MLPH: variants seen among roughly 807,000 people sequenced by gnomAD.
MLPH encodes exophilin-3.
Under a neutral mutation model 72.1 loss-of-function variants are expected in MLPH, and 51 were observed. That is an observed-to-expected ratio of 0.71 (90% confidence interval 0.56 to 0.89). The LOEUF (loss-of-function observed/expected upper bound fraction) is 0.89. MLPH is among the 40% of genes least tolerant of loss of function. MLPH has a pLI of 0.00. For synonymous variants in MLPH, 301 were observed against 310.1 expected, an observed-to-expected ratio of 0.97 and a Z score of 0.31; for missense variants, 743 against 759.9, an observed-to-expected ratio of 0.98 and a Z score of 0.26.
intron 6 of MLPH, 30 bp downstream of exon 6, chr2:237,520,059 C>T (rs1304458383): frequency 6.2e-7 from 1 of 1,613,536 alleles, no homozygotes; most frequent in Non-Finnish European, 8.5e-7. Flanking sequence ...TTTCCCCTGC[C>T]CCTCCCAGGA....
intron 13 of MLPH, among the ~76,000 whole-genome samples, chr2:237,548,834 G>A (rs746192516): frequency 4.6e-5 from 7 of 152,190 alleles, no homozygotes; most frequent in East Asian, 1.9e-4. Flanking sequence ...AGCCGCGATC[G>A]CACCACTGCA....
At chr2:237,544,417 C>CAGTGGTGAATGGGCACGGTAGTGAGTG (rs2080833807) in intron 12 of MLPH, among the ~76,000 whole-genome samples, 1 of 21,022 alleles carries the variant, frequency 4.8e-5, no homozygotes, top group Non-Finnish European at 7.2e-5. Context: ...AGTGGTGAGT[C>CAGTGGTGAATGGGCACGGTAGTGAGTG]GGGGGACAGT....
At chr2:237,509,722 G>A (rs1559343744) in intron 2 of MLPH, among the ~76,000 whole-genome samples, 2 of 152,194 alleles carry the variant, frequency 1.3e-5, no homozygotes, top group East Asian at 1.9e-4. Flanking sequence ...GGAAAATCGT[G>A]AAGTTCAGCC....
At chr2:237,507,293 C>G (rs2079798972) in intron 2 of MLPH, 1 of 152,154 alleles carries the variant, frequency 6.6e-6, no homozygotes, top group Non-Finnish European at 1.5e-5. Flanking sequence ...TCTCAAACTC[C>G]TGACCTCAAG....
At chr2:237,494,597 G>C (rs896574648) in intron 2 of MLPH, among the ~76,000 whole-genome samples, 4 of 152,124 alleles carry the variant, frequency 2.6e-5, no homozygotes, top group Admixed American at 2.6e-4. Flanking sequence ...GAGATCAGAT[G>C]GGGGGTCTCC....
rs557950483 is a variant in MLPH at position 237,541,692 on chromosome 2, A to G, written c.1446+735A>G. 6.6e-6 allele frequency among the ~76,000 whole-genome samples: 1 copy of G among 152,218 alleles called. No homozygotes were observed. On this transcript the variant is annotated intron_variant, in intron 11 of 15. Transcript: ENST00000264605. This position sits in a 1 kb window ranked among gnomAD's most constrained non-coding sequence, Gnocchi z 5.1. The stretch of plus-strand genomic sequence containing the variant: ...TTTAAATGCCTAGAATGTAGCCCAC[A>G]TTGTGTAGGCCACGGAAGATCTGGT...
At chr2:237,553,361 G>A (rs912809126) in intron 15 of MLPH, 16 of 653,450 alleles carry the variant, frequency 2.4e-5, no homozygotes, top group Admixed American at 1.1e-4. Context: ...AAGTCAGCAC[G>A]AATTGGCCTT....
At chr2:237,494,535 C>T (rs1210525227) in intron 2 of MLPH, among the ~76,000 whole-genome samples, 1 of 152,100 alleles carries the variant, frequency 6.6e-6, no homozygotes, top group Non-Finnish European at 1.5e-5. Flanking sequence ...CAGCGGTGGG[C>T]TCTGTGAAGT....
chr2:237,529,753 G>A (rs760233599), intron 8 of MLPH, among the ~76,000 whole-genome samples: 2 of 152,202 alleles, frequency 1.3e-5, no homozygotes, highest in Admixed American at 6.5e-5. Context: ...GACCGGAACC[G>A]CAGTTTCACC....
chr2:237,491,114 C>A (rs1434947889), intron 1 of MLPH, among the ~76,000 whole-genome samples: 1 of 152,164 alleles, frequency 6.6e-6, no homozygotes, highest in Admixed American at 6.5e-5. Context: ...AATCGAAGTA[C>A]GTCTCCAGCA....
At chr2:237,546,274 T>C in intron 12 of MLPH, 1 of 386,026 alleles carries the variant, frequency 2.6e-6, no homozygotes, top group South Asian at 2.3e-5. Flanking sequence ...CTCAGGGGGA[T>C]GACTGTGAAT....
At chr2:237,493,353 G>A in intron 1 of MLPH, 50 bp from the exon 2 acceptor site, 3 of 1,149,554 alleles carry the variant, frequency 2.6e-6, no homozygotes, top group Admixed American at 3.4e-5. Flanking sequence ...GACTTGATTG[G>A]TATTGGTAGG....
At position 237,540,908 on chromosome 2, in the gene MLPH, A is replaced by G. The variant is rs763672854; in HGVS notation, c.1397A>G (p.Glu466Gly). 6 of 1,612,062 alleles carry G rather than the reference A, an allele frequency of 3.7e-6. No homozygotes were observed. Among genetic ancestry groups the G allele is most frequent in the Non-Finnish European group, 5.1e-6 (6 of 1,179,360 alleles). ...RTTDEELSEL[E>G]DRVAVTASEV... is the part of the protein sequence containing the mutation. Reference sequence around the variant, plus strand: ...ACAGATGAGGAGCTGTCAGAGCTGGAGGACAGAGTGGCAGTGACGGCCTCA... The same window carrying G: ...ACAGATGAGGAGCTGTCAGAGCTGGGGGACAGAGTGGCAGTGACGGCCTCA... Residue 466 changes from glutamate (E) to glycine (G), a missense_variant, in exon 11 of 16, where the codon GAG becomes GGG. By Grantham distance (98) the Glu-to-Gly change is moderately conservative (BLOSUM62 -2). Transcript: ENST00000264605.
intron 2 of MLPH, among the ~76,000 whole-genome samples, chr2:237,504,321 A>G (rs2079716542): frequency 6.6e-6 from 1 of 152,020 alleles, no homozygotes; most frequent in South Asian, 2.1e-4. Context: ...GGTTTAAGCG[A>G]TTCTCCTGTC....
At position 237,505,727 on chromosome 2, in the gene MLPH, G is replaced by A. The variant is rs574420943; in HGVS notation, c.111-4847G>A. ...GGAGCGGCCTTTCCTTCCTGTTCCC[G>A]TCCTAGAAGCGTTTTCCTTCCCTGG... On this transcript the variant is annotated intron_variant, in intron 2 of 15. Transcript: ENST00000264605. This position sits in a 1 kb window ranked among gnomAD's most constrained non-coding sequence, Gnocchi z 4.5. Among the ~76,000 whole-genome samples the A allele has an allele frequency of 1.7e-4, 26 of 152,104 alleles. No individual in the cohort carries two copies. Among genetic ancestry groups the A allele is most frequent in the East Asian group, 7.7e-4 (4 of 5,164 alleles).
At chr2:237,547,076 C>T (rs79366579) in intron 13 of MLPH, among the ~76,000 whole-genome samples, 3,517 of 152,350 alleles carry the variant, frequency 0.023, 134 homozygotes, top group African/African-American at 0.079. Context: ...GCAAGGCCAC[C>T]CACACCCGTC....
rs547518681 is a variant in MLPH at position 237,502,807 on chromosome 2, C to T, written c.111-7767C>T. ...CTCCTAGTATGAGACACGGGCAAAC[C>T]GTGGCTTGCTTTAAAAAAAATTTTT... On this transcript the variant is annotated intron_variant, in intron 2 of 15. Transcript: ENST00000264605. Among the ~76,000 whole-genome samples, 31 of 152,202 alleles carry T rather than the reference C, an allele frequency of 2.0e-4. No homozygotes were observed. In the South Asian group the frequency reaches 5.8e-3, roughly 29 times the overall value.
chr2:237,540,014 C>T (rs1251367802), intron 9 of MLPH, among the ~76,000 whole-genome samples: 1 of 152,208 alleles, frequency 6.6e-6, no homozygotes, highest in African/African-American at 2.4e-5. Context: ...ACCCCTCTCT[C>T]CTCATCCCTA....
At chr2:237,494,291 G>A (rs941837225) in intron 2 of MLPH, among the ~76,000 whole-genome samples, 35 of 152,146 alleles carry the variant, frequency 2.3e-4, no homozygotes, top group African/African-American at 4.8e-4. Context: ...AGAGGGCCCC[G>A]CTGAAGATGG....
Sources: allele counts gnomAD v4.1 joint callset (sites outside exome capture counted in the v4.1 genomes callset), GRCh38; gene constraint gnomAD v4.1.1; non-coding constraint Gnocchi (gnomAD v3.1); transcripts MANE v1.5; gene names NCBI Gene and HGNC (gene_info 2026-07-23, HGNC 2026-07-21).